SGIP1: variants seen among roughly 807,000 people sequenced by gnomAD.
SGIP1 encodes the protein SH3GL interacting endocytic adaptor 1.
In SGIP1, 38 loss-of-function variants were observed where a neutral mutation model predicts 107.5. The observed-to-expected ratio is 0.35, with a 90% CI of 0.27 to 0.46. The LOEUF is 0.46. Ranked by LOEUF, SGIP1 falls within the 20% of genes least tolerant of loss-of-function variation. The probability of loss-of-function intolerance (pLI) is 1.00; values close to 1 mark genes in which losing one functional copy is unlikely to be tolerated. For missense variants in SGIP1, 929 were observed against 1,019.5 expected (o/e 0.91, Z 1.21); for synonymous variants, 365 against 366.1 (o/e 1.00, Z 0.03).
At chr1:66,578,998 A>G (rs921325474) in intron 1 of SGIP1, among the ~76,000 whole-genome samples, 2 of 152,156 alleles carry the variant, frequency 1.3e-5, no homozygotes, top group Admixed American at 6.5e-5. Context: ...ATTAGGGGGT[A>G]TATCTACAAG....
chr1:66,624,130 C>G (rs2071982638), intron 1 of SGIP1, among the ~76,000 whole-genome samples: 1 of 145,034 alleles, frequency 6.9e-6, no homozygotes, highest in Admixed American at 7.1e-5. Flanking sequence ...ATTGGTTTTA[C>G]AGTCCTGTAA....
intron 5 of SGIP1, among the ~76,000 whole-genome samples, chr1:66,641,659 C>T (rs543722782): frequency 6.6e-6 from 1 of 152,146 alleles, no homozygotes; most frequent in South Asian, 2.1e-4. Context: ...TGTTATGTGG[C>T]TCAGTGAGGT....
Position 66,635,947 on chromosome 1 carries a change from C to T in SGIP1, c.103C>T (p.Pro35Ser). ...ACATGAAAACAATCAATTCCAGCAG[C>T]CCAGCCCACACGAACCACCCTACAA... ...TGSPDRDGIQ[P>S]SPHEPPYNSK... Residue 35 changes from proline (P) to serine (S), a missense_variant, in exon 4 of 25, where the codon CCC (proline) becomes TCC (serine). Around this residue, in one of 2 missense-constraint regions of SGIP1, gnomAD observed 588 missense variants for 588.6 expected, o/e 1.00. Coordinates refer to ENST00000371037, the MANE Select transcript of SGIP1 (RefSeq NM_032291.4). 6.2e-7 allele frequency: 1 copy of T among 1,613,788 alleles called. No homozygotes were observed. Among genetic ancestry groups the T allele is most frequent in the Middle Eastern group, 1.7e-4 (1 of 6,056 alleles).
intron 19 of SGIP1, among the ~76,000 whole-genome samples, chr1:66,723,130 A>G (rs2093614691): frequency 6.6e-6 from 1 of 152,126 alleles, no homozygotes; most frequent in South Asian, 2.1e-4. Flanking sequence ...CTCTTCCTTT[A>G]TCACTCACTT....
In SGIP1 at chr1:66,719,383, T is replaced by C. The variant is rs747652752; in HGVS notation, c.1720T>C (p.Phe574Leu). Reference sequence around the variant, plus strand: ...ATTTACAGAAACAGTCAATGCCTATTTCAAAGGAGCAGACCCAAGCAAGTA... The same window carrying C: ...ATTTACAGAAACAGTCAATGCCTATCTCAAAGGAGCAGACCCAAGCAAGTA... ...AAFTETVNAY[F>L]KGADPSKCIV... Residue 574 changes from phenylalanine to leucine, a missense_variant, in exon 19 of 25, where the codon TTC (phenylalanine) becomes CTC (leucine). Physicochemically the swap from Phe to Leu is conservative, Grantham distance 22 (BLOSUM62 0). Coordinates refer to ENST00000371037, the MANE Select transcript of SGIP1 (RefSeq NM_032291.4). The C allele has an allele frequency of 1.9e-6, 3 of 1,613,406 alleles. No individual in the cohort carries two copies. Among genetic ancestry groups the C allele is most frequent in the Non-Finnish European group, 2.5e-6 (3 of 1,179,606 alleles).
intron 8 of SGIP1, among the ~76,000 whole-genome samples, chr1:66,660,836 A>C (rs2081318955): frequency 6.6e-6 from 1 of 152,212 alleles, no homozygotes; most frequent in Non-Finnish European, 1.5e-5. Flanking sequence ...TTTCCACTGG[A>C]ATTAGTCAAG....
intron 1 of SGIP1, among the ~76,000 whole-genome samples, chr1:66,586,964 G>A (rs1340626833): frequency 6.6e-6 from 1 of 151,956 alleles, no homozygotes; most frequent in African/African-American, 2.4e-5. Context: ...TGAGTTGATG[G>A]TAGTTTTTTG....
intron 19 of SGIP1, 46 bp from the exon 20 acceptor site, chr1:66,729,218 G>C: frequency 1.9e-6 from 3 of 1,600,734 alleles, no homozygotes; most frequent in South Asian, 2.2e-5. Context: ...TCAGTGTATT[G>C]ACATGGATTT....
intron 7 of SGIP1, among the ~76,000 whole-genome samples, chr1:66,649,883 C>A (rs1212580331): frequency 6.6e-6 from 1 of 152,124 alleles, no homozygotes; most frequent in Non-Finnish European, 1.5e-5. Context: ...GAGGGTTCTA[C>A]CTCCTTTTAG....
chr1:66,721,433 G>A (rs1312926062), intron 19 of SGIP1, among the ~76,000 whole-genome samples: 2 of 152,078 alleles, frequency 1.3e-5, no homozygotes, highest in Non-Finnish European at 2.9e-5. Flanking sequence ...TTTTGAGATG[G>A]GGTCTCACTT....
chr1:66,671,006 A>T lies in SGIP1; in HGVS notation c.495A>T (p.Lys165Asn). 3 of 1,394,396 alleles carry T rather than the reference A, an allele frequency of 2.2e-6. No homozygotes were observed. Among genetic ancestry groups the T allele is most frequent in the Non-Finnish European group, 3.0e-6 (3 of 1,007,946 alleles). The allele number at this position is 1,394,396 out of a possible 1,614,324, so 86.4% of individuals were successfully genotyped here. ...ATTTCTAATTCTAGGGTGCAATTAA[A>T]AGGAACTTATCCAGTAAGTATATCT... ...KSPRRSPGAIKRNLSSEEVAR... is the reference protein window; with the variant it reads ...KSPRRSPGAINRNLSSEEVAR... The change falls in exon 10 of 25, where the codon AAA becomes AAT. Residue 165 changes from lysine to asparagine, a missense_variant. Coordinates refer to ENST00000371037, the MANE Select transcript of SGIP1 (RefSeq NM_032291.4).
intron 1 of SGIP1, among the ~76,000 whole-genome samples, chr1:66,595,798 G>T (rs1323124488): frequency 6.6e-6 from 1 of 152,180 alleles, no homozygotes; most frequent in Admixed American, 6.5e-5. Context: ...AGGGCATTAT[G>T]TTGTGTTGAA....
chr1:66,707,570 G>C (rs1350416173), intron 18 of SGIP1, among the ~76,000 whole-genome samples: 2 of 152,102 alleles, frequency 1.3e-5, no homozygotes, highest in African/African-American at 4.8e-5. Flanking sequence ...GACAGATACA[G>C]TTATAGCACC....
rs183619017 is a variant in SGIP1, at chr1:66,631,103, A to G, written c.75-1967A>G. ...AGAAAGAAAGAAAGAAAGAAAGAAA[A>G]AAAGAAAGACTGACTCAGTATATAG... On this transcript the variant is annotated intron_variant, in intron 2 of 24. Coordinates refer to ENST00000371037, the MANE Select transcript of SGIP1 (RefSeq NM_032291.4). 8.2e-3 allele frequency among the ~76,000 whole-genome samples: 1,091 copies of G among 132,556 alleles called. 9 individuals are homozygous for G. The highest frequency in any genetic ancestry group is 0.011 in the Non-Finnish European group (661 of 59,986). 87.0% of individuals were successfully genotyped at this position (132,556 alleles called of 152,430 possible). A position where few individuals can be genotyped will look rare whatever the true frequency, so the allele number is the denominator to read the frequency against.
intron 1 of SGIP1, among the ~76,000 whole-genome samples, chr1:66,538,204 T>G (rs925733418): frequency 6.6e-6 from 1 of 152,178 alleles, no homozygotes; most frequent in African/African-American, 2.4e-5. Flanking sequence ...GAAAATTCTT[T>G]GGTTTGGTCA....
At chr1:66,692,493 G>A (rs1416394068) in intron 17 of SGIP1, among the ~76,000 whole-genome samples, 1 of 152,114 alleles carries the variant, frequency 6.6e-6, no homozygotes, top group Non-Finnish European at 1.5e-5. Flanking sequence ...ACTTTTCTCC[G>A]AAGTAAATAT....
intron 18 of SGIP1, among the ~76,000 whole-genome samples, chr1:66,709,146 A>G (rs1258078340): frequency 6.6e-6 from 1 of 152,068 alleles, no homozygotes; most frequent in African/African-American, 2.4e-5. Flanking sequence ...CCCATCATCT[A>G]CATTAGGTAT....
chr1:66,676,954 A>G lies in SGIP1; in HGVS notation c.647-50A>G, dbSNP rs547907896. 4 of 1,468,436 alleles carry G rather than the reference A, an allele frequency of 2.7e-6. No homozygotes were observed. In the East Asian group the frequency reaches 9.1e-5, roughly 33 times the overall value. 91.0% of individuals were successfully genotyped at this position (1,468,436 alleles called of 1,614,324 possible). ...AAATCGAAATTTTAAGTTCTAAAGT[A>G]TGGGGATTTTTTTTAACTCACCCTG... is the stretch of plus-strand genomic sequence containing the variant. On this transcript the variant is annotated intron_variant, in intron 12 of 24. Transcript: ENST00000371037.
chr1:66,574,957 T>A (rs1367837743), intron 1 of SGIP1, among the ~76,000 whole-genome samples: 3 of 152,216 alleles, frequency 2.0e-5, no homozygotes, highest in Non-Finnish European at 2.9e-5. Flanking sequence ...TGATTATTTT[T>A]AAATGTTCTT....
Sources: allele counts gnomAD v4.1 joint callset (sites outside exome capture counted in the v4.1 genomes callset), GRCh38; gene constraint gnomAD v4.1.1; regional missense constraint gnomAD v4.1.1; transcripts MANE v1.5; gene names NCBI Gene and HGNC (gene_info 2026-07-23, HGNC 2026-07-21).